SYNE1: variants seen among roughly 807,000 people sequenced by gnomAD.
The protein encoded by SYNE1 is spectrin repeat containing nuclear envelope protein 1, also known as nesprin-1.
A neutral mutation model predicts 1,111.0 loss-of-function variants in SYNE1; 616 were observed. The observed-to-expected ratio is 0.55, with a 90% CI of 0.52 to 0.59. The LOEUF (loss-of-function observed/expected upper bound fraction) is 0.59. SYNE1 is among the 20% of genes least tolerant of loss of function. SYNE1 has a pLI of 0.00. For synonymous variants in SYNE1, 3,855 were observed against 3,825.8 expected, an observed-to-expected ratio of 1.01 and a Z score of -0.28; for missense variants, 10,006 against 10,417.0, an observed-to-expected ratio of 0.96 and a Z score of 1.72.
chr6:152,262,154 T>C lies in SYNE1; in HGVS notation c.18850A>G (p.Met6284Val). Reference sequence around the variant, plus strand: ...TCAGCGGATGATTTCTCCCCTTCCATCCCCAACTCCTGGGATAACACATCA... The same window carrying C: ...TCAGCGGATGATTTCTCCCCTTCCACCCCCAACTCCTGGGATAACACATCA... ...KPDVLSQELG[M>V]EGEKSSAEDQ... Residue 6284 changes from methionine to valine, a missense_variant, in exon 101 of 146, where the codon ATG (methionine) becomes GTG (valine). By Grantham distance (21) the Met-to-Val change is conservative (BLOSUM62 1). Transcript: ENST00000367255. 1 of 1,613,776 alleles carries C rather than the reference T, an allele frequency of 6.2e-7. No homozygotes were observed. Among genetic ancestry groups the C allele is most frequent in the Non-Finnish European group, 8.5e-7 (1 of 1,179,926 alleles).
chr6:152,569,652 G>A (rs1248219621), intron 3 of SYNE1, among the ~76,000 whole-genome samples: 1 of 152,108 alleles, frequency 6.6e-6, no homozygotes, highest in Non-Finnish European at 1.5e-5. Context: ...GAGAAGAAAT[G>A]GAGGAAGAAA....
chr6:152,154,669 A>G (rs149811523), intron 133 of SYNE1, among the ~76,000 whole-genome samples: 4 of 152,292 alleles, frequency 2.6e-5, no homozygotes, highest in African/African-American at 9.6e-5. Flanking sequence ...CTTCATTACT[A>G]CAGTATTTAT....
intron 95 of SYNE1, among the ~76,000 whole-genome samples, chr6:152,284,714 T>C (rs187237298): frequency 6.6e-5 from 10 of 150,760 alleles, no homozygotes; most frequent in Non-Finnish European, 1.2e-4. Context: ...TCCTCCAGCC[T>C]GGATCACAGG....
chr6:152,343,565 G>A (rs1367153008), intron 74 of SYNE1, among the ~76,000 whole-genome samples: 1 of 145,758 alleles, frequency 6.9e-6, no homozygotes, highest in African/African-American at 2.6e-5. Context: ...GTCTTGTTCT[G>A]TCACCAAAGC....
chr6:152,633,084 G>A (rs903436514), intron 2 of SYNE1, among the ~76,000 whole-genome samples: 3 of 152,200 alleles, frequency 2.0e-5, no homozygotes, highest in Non-Finnish European at 2.9e-5. Flanking sequence ...ACCAGAGGCA[G>A]ATCCAGAACA....
rs2099261707 is a variant in SYNE1, at chr6:152,539,996, T to C, written c.93A>G (p.Arg31=). The C allele has an allele frequency of 1.9e-6, 3 of 1,613,966 alleles. No homozygotes were observed. The highest frequency in any genetic ancestry group is 2.5e-6 in the Non-Finnish European group (3 of 1,179,912). The change falls in exon 4 of 146, where the codon CGA becomes CGG. Residue 31 remains arginine (R), a synonymous_variant. Transcript: ENST00000367255. The stretch of plus-strand genomic sequence containing the variant: ...GAGAGTTGATCCATTTTGTGAAAGT[T>C]CGTTTTTGTACTATCTCTTGCTCAT... ...LQDEQEIVQK[R]TFTKWINSHL...
At chr6:152,327,457 T>C (rs988039207) in intron 78 of SYNE1, among the ~76,000 whole-genome samples, 1 of 152,178 alleles carries the variant, frequency 6.6e-6, no homozygotes, top group Non-Finnish European at 1.5e-5. Context: ...AAAGTTTAAG[T>C]CTGGATGGCT....
rs911005692 is a variant in SYNE1 at position 152,442,112 on chromosome 6, A to G, written c.3971T>C (p.Leu1324Pro). 4.3e-6 allele frequency: 7 copies of G among 1,614,068 alleles called. No individual in the cohort carries two copies. The highest frequency in any genetic ancestry group is 2.2e-5 in the East Asian group (1 of 44,882). Residue 1324 changes from leucine (L) to proline (P), a missense_variant, in exon 31 of 146, where the codon CTG becomes CCG. By Grantham distance (98) the Leu-to-Pro change is moderately conservative. Transcript: ENST00000367255. ...LRKLESTLDG[L>P]ERSRERQERR... Reference sequence around the variant, plus strand: ...TTCCTGCCTCTCCCGGCTGCGCTCCAGGCCATCCAGTGTGCTCTCCAGCTT... The same window carrying G: ...TTCCTGCCTCTCCCGGCTGCGCTCCGGGCCATCCAGTGTGCTCTCCAGCTT...
intron 39 of SYNE1, among the ~76,000 whole-genome samples, chr6:152,424,712 G>A (rs1200076199): frequency 1.3e-5 from 2 of 152,212 alleles, no homozygotes; most frequent in South Asian, 4.1e-4. Flanking sequence ...AGCAAAGGAT[G>A]AAACTCTTTA....
intron 2 of SYNE1, among the ~76,000 whole-genome samples, chr6:152,629,638 T>C (rs952437996): frequency 1.3e-5 from 2 of 151,104 alleles, no homozygotes; most frequent in Admixed American, 1.3e-4. Context: ...AAGAATTTCC[T>C]AACCCTAGGT....
At chr6:152,393,612 A>G (rs1448577594) in intron 51 of SYNE1, among the ~76,000 whole-genome samples, 1 of 152,020 alleles carries the variant, frequency 6.6e-6, no homozygotes, top group African/African-American at 2.4e-5. Flanking sequence ...AAGAGCTTAC[A>G]CTATAGTAAG....
chr6:152,254,244 C>CTTTTTTTTTTTTTTT (rs773598537), intron 104 of SYNE1, among the ~76,000 whole-genome samples: 2 of 73,144 alleles, frequency 2.7e-5, no homozygotes, highest in Non-Finnish European at 4.7e-5. Context: ...TCTGCATACT[C>CTTTTTTTTTTTTTTT]TTTTTTTTTT....
At chr6:152,619,901 T>G (rs988303673) in intron 3 of SYNE1, among the ~76,000 whole-genome samples, 1 of 152,152 alleles carries the variant, frequency 6.6e-6, no homozygotes, top group Admixed American at 6.5e-5. Context: ...CTACATAAGG[T>G]ATAGAATTAT....
In SYNE1 at chr6:152,351,449, A is replaced by G. The variant is rs144662641; in HGVS notation, c.11580+578T>C. On this transcript the variant is annotated intron_variant, in intron 70 of 145. Coordinates refer to ENST00000367255, the MANE Select transcript of SYNE1 (RefSeq NM_182961.4). ...AAATTTATAACACAAATTATTCCACATATAAGCTTGCATAATTGCTTCAAA... is the reference window on the plus strand; with the variant it reads ...AAATTTATAACACAAATTATTCCACGTATAAGCTTGCATAATTGCTTCAAA... Among the ~76,000 whole-genome samples the G allele has an allele frequency of 3.3e-3, 497 of 152,344 alleles. 1 individual carries two copies. Among genetic ancestry groups the G allele is most frequent in the Non-Finnish European group, 4.5e-3 (305 of 68,034 alleles).
At position 152,293,756 on chromosome 6, in the gene SYNE1, C is replaced by A. The variant is rs776806501; in HGVS notation, c.17851-7G>T. 4.1e-5 allele frequency: 66 copies of A among 1,613,886 alleles called. No individual in the cohort carries two copies. Among genetic ancestry groups the A allele is most frequent in the Non-Finnish European group, 5.3e-5 (62 of 1,180,048 alleles). ...TGCGCTGCTTCTCACTGATCTACAC[C>A]AGAAAAGGGATATTACCAAATGCTT... is the stretch of plus-strand genomic sequence containing the variant. On this transcript the variant is annotated splice_polypyrimidine_tract_variant and splice_region_variant and intron_variant, in intron 94 of 145. Coordinates refer to ENST00000367255, the MANE Select transcript of SYNE1 (RefSeq NM_182961.4).
chr6:152,169,885 T>C (rs2064745998), intron 130 of SYNE1, among the ~76,000 whole-genome samples: 1 of 152,050 alleles, frequency 6.6e-6, no homozygotes, highest in African/African-American at 2.4e-5. Context: ...TATTGTACTG[T>C]GAATTCTTTT....
At position 152,435,952 on chromosome 6, in the gene SYNE1, C is replaced by A. The variant is rs528090478; in HGVS notation, c.4299G>T (p.Thr1433=). The A allele has an allele frequency of 6.2e-7, 1 of 1,614,032 alleles. No homozygotes were observed. The highest frequency in any genetic ancestry group is 8.5e-7 in the Non-Finnish European group (1 of 1,179,984). ...IKEQVKKLED[T]LEEDIKTMEM... is the part of the protein sequence containing the mutation. ...TGTCAATCACATACTCTTCTTCAAG[C>A]GTGTCTTCTAATTTTTTGACTTGTT... Residue 1433 remains threonine (T), a synonymous_variant, in exon 33 of 146, where the codon ACG becomes ACT. Transcript: ENST00000367255.
chr6:152,593,927 A>G (rs1015637741), intron 3 of SYNE1, among the ~76,000 whole-genome samples: 5 of 152,178 alleles, frequency 3.3e-5, no homozygotes, highest in Non-Finnish European at 7.3e-5. Context: ...TTTAATCACT[A>G]AGGTCTGGAA....
intron 3 of SYNE1, among the ~76,000 whole-genome samples, chr6:152,566,596 G>A (rs1331416984): frequency 1.3e-5 from 2 of 152,070 alleles, no homozygotes; most frequent in Non-Finnish European, 2.9e-5. Context: ...TTAAATTCAC[G>A]GTGCTGTAGG....
Sources: gnomAD v4.1 joint callset for allele counts (sites outside exome capture counted in the v4.1 genomes callset) on GRCh38, gnomAD v4.1.1 for gene constraint, MANE v1.5 for transcripts, NCBI Gene and HGNC (gene_info 2026-07-23, HGNC 2026-07-21) for gene names.